SGCZ: variants seen among roughly 807,000 people sequenced by gnomAD.
SGCZ encodes sarcoglycan zeta, also known as zeta-sarcoglycan.
Under a neutral mutation model 41.3 loss-of-function variants are expected in SGCZ, and 40 were observed. The ratio of observed to expected loss-of-function variants is 0.97; its 90% CI spans 0.75 to 1.26. The LOEUF (loss-of-function observed/expected upper bound fraction) is 1.26, where lower values mean the gene tolerates loss of function less well. Ranked by LOEUF, SGCZ falls within the 50% of genes most tolerant of loss-of-function variation. SGCZ has a pLI of 0.00. For missense variants in SGCZ, 552 were observed against 369.8 expected (o/e 1.49, Z -4.04); for synonymous variants, 206 against 137.5 (o/e 1.50, Z -3.49).
intron 1 of SGCZ, among the ~76,000 whole-genome samples, chr8:14,998,513 T>G (rs1309683085): frequency 7.0e-6 from 1 of 142,094 alleles, no homozygotes; most frequent in Non-Finnish European, 1.6e-5. Context: ...ATTAAATCCT[T>G]CAAACAGTTA....
intron 2 of SGCZ, among the ~76,000 whole-genome samples, chr8:14,427,646 T>G (rs1799825186): frequency 6.6e-6 from 1 of 152,050 alleles, no homozygotes; most frequent in Non-Finnish European, 1.5e-5. Flanking sequence ...TTTACAGGAG[T>G]TAGGCGGTAA....
intron 1 of SGCZ, among the ~76,000 whole-genome samples, chr8:15,184,863 C>T (rs150062415): frequency 6.6e-6 from 1 of 152,188 alleles, no homozygotes; most frequent in Non-Finnish European, 1.5e-5. Flanking sequence ...ATTCATCACG[C>T]GTTCCCTTTG....
At chr8:14,333,601 T>C (rs2117057579) in intron 2 of SGCZ, among the ~76,000 whole-genome samples, 1 of 152,202 alleles carries the variant, frequency 6.6e-6, no homozygotes, top group South Asian at 2.1e-4. Flanking sequence ...TAGTACACAT[T>C]AGCATATTAA....
intron 1 of SGCZ, among the ~76,000 whole-genome samples, chr8:14,650,477 A>AT (rs138022972): frequency 2.6e-5 from 4 of 151,008 alleles, no homozygotes; most frequent in Admixed American, 1.3e-4. Context: ...CCCAACGGTT[A>AT]TTTTTTTTTC....
chr8:15,079,367 C>T (rs1805659360), intron 1 of SGCZ, among the ~76,000 whole-genome samples: 1 of 152,182 alleles, frequency 6.6e-6, no homozygotes, highest in African/African-American at 2.4e-5. Flanking sequence ...GCCTAAACTT[C>T]AGTCCTATAT....
intron 5 of SGCZ, among the ~76,000 whole-genome samples, chr8:14,133,227 C>T (rs1803095402): frequency 6.6e-6 from 1 of 152,192 alleles, no homozygotes; most frequent in African/African-American, 2.4e-5. Context: ...CCACCCCGTA[C>T]ACATGTGATT....
intron 2 of SGCZ, among the ~76,000 whole-genome samples, chr8:14,326,644 G>A (rs1324779754): frequency 2.0e-5 from 3 of 152,190 alleles, no homozygotes. Context: ...TGCCTTACAG[G>A]AAACCAACCC....
chr8:15,014,922 C>T (rs1802968410), intron 1 of SGCZ, among the ~76,000 whole-genome samples: 1 of 152,150 alleles, frequency 6.6e-6, no homozygotes, highest in Non-Finnish European at 1.5e-5. Flanking sequence ...CTACCGCAAA[C>T]CTGGTCTTCT....
chr8:14,926,820 T>C (rs1488942765), intron 1 of SGCZ, among the ~76,000 whole-genome samples: 1 of 151,988 alleles, frequency 6.6e-6, no homozygotes, highest in African/African-American at 2.4e-5. Context: ...TTTTTACTTT[T>C]AGTAGAGACA....
intron 2 of SGCZ, among the ~76,000 whole-genome samples, chr8:14,325,941 TCTCTA>T (rs1453463957): frequency 6.8e-6 from 1 of 147,232 alleles, no homozygotes; most frequent in African/African-American, 2.5e-5. Flanking sequence ...TGAAACCCTG[TCTCTA>T]CTAAAAATAC....
intron 1 of SGCZ, among the ~76,000 whole-genome samples, chr8:14,819,216 G>T (rs1467791795): frequency 1.3e-5 from 2 of 152,016 alleles, no homozygotes; most frequent in Non-Finnish European, 2.9e-5. Context: ...ACTCCCATTA[G>T]ACTATCAGAA....
At chr8:14,113,879 C>G (rs1802445568) in intron 5 of SGCZ, among the ~76,000 whole-genome samples, 1 of 151,988 alleles carries the variant, frequency 6.6e-6, no homozygotes, top group African/African-American at 2.4e-5. Context: ...ATGAGAACCC[C>G]TTCTTGTTCT....
chr8:14,379,321 T>C (rs1229463997), intron 2 of SGCZ, among the ~76,000 whole-genome samples: 2 of 152,164 alleles, frequency 1.3e-5, no homozygotes, highest in Non-Finnish European at 2.9e-5. Context: ...ATAGCCTTCA[T>C]AGATTTCACA....
chr8:14,882,744 C>T lies in SGCZ; in HGVS notation c.40-327818G>A, dbSNP rs571775078. ...CTGGTAATACCTTCCTCAATCTACC[C>T]TCTTTTTCTATTTTTCTATCTCCAG... On this transcript the variant is annotated intron_variant, in intron 1 of 7. Coordinates refer to ENST00000382080, the MANE Select transcript of SGCZ (RefSeq NM_139167.4). Among the ~76,000 whole-genome samples the T allele has an allele frequency of 2.1e-4, 32 of 152,156 alleles. No individual in the cohort carries two copies. The South Asian group carries it at 6.6e-3, about 32-fold the overall frequency.
rs942300435 is a variant in SGCZ at position 14,793,313 on chromosome 8, T to C, written c.40-238387A>G. ...TCCCTGCTTCCATTCCTGCCTTTTA[T>C]AATCCAATTTTCACATCATGATCAA... On this transcript the variant is annotated intron_variant, in intron 1 of 7. Transcript: ENST00000382080. Among the ~76,000 whole-genome samples, 5 of 152,336 alleles carry C rather than the reference T, an allele frequency of 3.3e-5. No homozygotes were observed. The East Asian group carries it at 9.7e-4, about 29-fold the overall frequency.
intron 4 of SGCZ, among the ~76,000 whole-genome samples, chr8:14,196,000 C>G (rs1805255850): frequency 6.6e-6 from 1 of 151,972 alleles, no homozygotes; most frequent in Admixed American, 6.6e-5. Context: ...ACACAATTTT[C>G]TTATTATTTA....
intron 2 of SGCZ, among the ~76,000 whole-genome samples, chr8:14,411,316 A>T (rs2117277014): frequency 6.6e-6 from 1 of 152,286 alleles, no homozygotes; most frequent in South Asian, 2.1e-4. Context: ...TTACATAAAC[A>T]TTCGTATAGA....
intron 1 of SGCZ, among the ~76,000 whole-genome samples, chr8:14,617,837 T>G (rs886975026): frequency 1.0e-5 from 1 of 97,556 alleles, no homozygotes; most frequent in Non-Finnish European, 2.2e-5. Flanking sequence ...TTTTTATAAT[T>G]TTTTGTGTGT....
At chr8:14,756,354 T>G (rs1417338120) in intron 1 of SGCZ, among the ~76,000 whole-genome samples, 1 of 151,984 alleles carries the variant, frequency 6.6e-6, no homozygotes, top group African/African-American at 2.4e-5. Flanking sequence ...CACGGCTAAT[T>G]TTGTATTTTT....
Sources: allele counts gnomAD v4.1 joint callset (sites outside exome capture counted in the v4.1 genomes callset), GRCh38; gene constraint gnomAD v4.1.1; transcripts MANE v1.5; gene names NCBI Gene and HGNC (gene_info 2026-07-23, HGNC 2026-07-21).